XKR4: variants seen among roughly 807,000 people sequenced by gnomAD.
XKR4 encodes XK-related protein 4.
Under a neutral mutation model 53.9 loss-of-function variants are expected in XKR4, and 12 were observed. The observed-to-expected ratio is 0.22, with a 90% CI of 0.14 to 0.36. The LOEUF is 0.36. Ranked by LOEUF, XKR4 falls within the 10% of genes least tolerant of loss-of-function variation. XKR4 has a pLI of 1.00. For missense variants in XKR4, 799 were observed against 859.5 expected (o/e 0.93, Z 0.88); for synonymous variants, 354 against 362.4 (o/e 0.98, Z 0.26).
At chr8:55,216,525 C>T (rs576749623) in intron 1 of XKR4, among the ~76,000 whole-genome samples, 10 of 152,142 alleles carry the variant, frequency 6.6e-5, no homozygotes, top group Middle Eastern at 6.8e-3. Context: ...GTCAGGAGTT[C>T]GAGACCAGCC....
At chr8:55,242,346 C>T (rs974514062) in intron 1 of XKR4, among the ~76,000 whole-genome samples, 1 of 152,122 alleles carries the variant, frequency 6.6e-6, no homozygotes, top group Non-Finnish European at 1.5e-5. Context: ...AACCCGTCTA[C>T]AGCAGCCTTA....
At chr8:55,132,132 A>C (rs1244365449) in intron 1 of XKR4, among the ~76,000 whole-genome samples, 1 of 152,190 alleles carries the variant, frequency 6.6e-6, no homozygotes, top group African/African-American at 2.4e-5. Flanking sequence ...AATGGGTTCA[A>C]TTTATTGAGC....
chr8:55,427,111 T>C (rs968752040), intron 2 of XKR4, among the ~76,000 whole-genome samples: 1 of 152,220 alleles, frequency 6.6e-6, no homozygotes, highest in African/African-American at 2.4e-5. Flanking sequence ...TTGCATTATA[T>C]AAACATGTAT....
At chr8:55,133,704 G>A (rs1816587269) in intron 1 of XKR4, among the ~76,000 whole-genome samples, 1 of 152,148 alleles carries the variant, frequency 6.6e-6, no homozygotes, top group Non-Finnish European at 1.5e-5. Flanking sequence ...ACTAGCCAAA[G>A]TTGCTGAAAT....
chr8:55,463,217 A>C (rs1805691212), intron 2 of XKR4, among the ~76,000 whole-genome samples: 1 of 152,204 alleles, frequency 6.6e-6, no homozygotes, highest in Non-Finnish European at 1.5e-5. Flanking sequence ...TTGACCACAT[A>C]GTTGGAAGTA....
intron 2 of XKR4, among the ~76,000 whole-genome samples, chr8:55,475,544 A>G (rs775758961): frequency 6.6e-6 from 1 of 151,960 alleles, no homozygotes; most frequent in African/African-American, 2.4e-5. Context: ...AGCCTACTGA[A>G]TAGCTGGGAC....
At chr8:55,341,570 C>T (rs888997335) in intron 1 of XKR4, among the ~76,000 whole-genome samples, 4 of 152,210 alleles carry the variant, frequency 2.6e-5, no homozygotes, top group Non-Finnish European at 4.4e-5. Context: ...CAATGAAGAA[C>T]TTTCTGAAGA....
chr8:55,426,259 CT>C (rs1236985381), intron 2 of XKR4, among the ~76,000 whole-genome samples: 9 of 152,172 alleles, frequency 5.9e-5, no homozygotes, highest in African/African-American at 2.2e-4. Flanking sequence ...AGCTCAATTC[CT>C]TTTCTCCCCA....
At chr8:55,476,238 G>C (rs1026101917) in intron 2 of XKR4, among the ~76,000 whole-genome samples, 1 of 152,100 alleles carries the variant, frequency 6.6e-6, no homozygotes, top group East Asian at 1.9e-4. Context: ...ACTAACCCAA[G>C]ACCCAGTCAT....
intron 2 of XKR4, among the ~76,000 whole-genome samples, chr8:55,435,207 C>T (rs1485856269): frequency 6.6e-6 from 1 of 152,158 alleles, no homozygotes; most frequent in Non-Finnish European, 1.5e-5. Context: ...ATTCAGTCCG[C>T]TTATAGGGCT....
At chr8:55,254,796 C>T (rs1204443716) in intron 1 of XKR4, among the ~76,000 whole-genome samples, 1 of 152,216 alleles carries the variant, frequency 6.6e-6, no homozygotes, top group Non-Finnish European at 1.5e-5. Flanking sequence ...TGATTTCCCA[C>T]AGGTTCGAAC....
chr8:55,305,562 G>A (rs1248600630), intron 1 of XKR4, among the ~76,000 whole-genome samples: 2 of 152,134 alleles, frequency 1.3e-5, no homozygotes, highest in East Asian at 1.9e-4. Context: ...CACTTAGCAT[G>A]TCTGATTTTT....
At chr8:55,134,344 G>A (rs1011924) in intron 1 of XKR4, among the ~76,000 whole-genome samples, 77,589 of 152,092 alleles carry the variant, frequency 0.51, 21,310 homozygotes, top group South Asian at 0.7. Context: ...GTGTGCTCAT[G>A]TAGATGACAG....
At chr8:55,451,809 C>T in intron 2 of XKR4, 1 of 994,244 alleles carries the variant, frequency 1.0e-6, no homozygotes, top group Non-Finnish European at 1.6e-6. Context: ...GGCAGCAAGC[C>T]CTTTCCACCA....
At chr8:55,230,567 C>T (rs149553290) in intron 1 of XKR4, among the ~76,000 whole-genome samples, 1 of 152,160 alleles carries the variant, frequency 6.6e-6, no homozygotes, top group African/African-American at 2.4e-5. Context: ...AGGGTTTCAC[C>T]ATGTTGGCCA....
chr8:55,445,274 GT>G (rs1218463893), intron 2 of XKR4, among the ~76,000 whole-genome samples: 1 of 152,022 alleles, frequency 6.6e-6, no homozygotes, highest in Non-Finnish European at 1.5e-5. Context: ...AGCCAGGATG[GT>G]CTCGATCTCC....
intron 2 of XKR4, among the ~76,000 whole-genome samples, chr8:55,385,063 A>G (rs1248623280): frequency 6.6e-6 from 1 of 152,154 alleles, no homozygotes; most frequent in East Asian, 1.9e-4. Flanking sequence ...GAAAATACAG[A>G]TTTAAGTCAG....
intron 1 of XKR4, among the ~76,000 whole-genome samples, chr8:55,252,980 A>C (rs1162803463): frequency 6.6e-6 from 1 of 152,188 alleles, no homozygotes; most frequent in Non-Finnish European, 1.5e-5. Context: ...GATGGAACAT[A>C]GGGAAGAAAA....
Position 55,530,494 on chromosome 8 carries a change from C to T in XKR4, c.*6267C>T, listed in dbSNP as rs1183690871. The T allele has an allele frequency of 6.6e-6, 1 of 152,188 alleles. No homozygotes were observed. The highest frequency in any genetic ancestry group is 1.5e-5 in the Non-Finnish European group (1 of 68,034). 9.4% of individuals were successfully genotyped at this position (152,188 alleles called of 1,614,324 possible). A position where few individuals can be genotyped will look rare whatever the true frequency, so the allele number is the denominator to read the frequency against. On this transcript the variant is annotated 3_prime_UTR_variant, in exon 3 of 3. Transcript: ENST00000327381. ...CTTTAGATATAGCATGTCTGAAGGT[C>T]TGCAAGATGACAGAGTTGTAACCCA... is the stretch of plus-strand genomic sequence containing the variant.
Sources: gnomAD v4.1 joint callset for allele counts (sites outside exome capture counted in the v4.1 genomes callset) on GRCh38, gnomAD v4.1.1 for gene constraint, MANE v1.5 for transcripts, NCBI Gene and HGNC (gene_info 2026-07-23, HGNC 2026-07-21) for gene names.